Variants in CSMD1 observed in about 807,000 individuals in gnomAD.
The protein encoded by CSMD1 is CUB and sushi domain-containing protein 1.
A neutral mutation model predicts 417.5 loss-of-function variants in CSMD1; 213 were observed. That is an observed-to-expected ratio of 0.51 (90% CI 0.46 to 0.57). The LOEUF (loss-of-function observed/expected upper bound fraction) is 0.57. Ranked by LOEUF, CSMD1 falls within the 20% of genes least tolerant of loss-of-function variation. The pLI, the probability that CSMD1 is intolerant of heterozygous loss-of-function variation, is 0.00. For missense variants in CSMD1, 6,923 were observed against 4,529.7 expected (o/e 1.53, Z -15.17); for synonymous variants, 2,862 against 1,736.8 (o/e 1.65, Z -16.11).
intron 5 of CSMD1, among the ~76,000 whole-genome samples, chr8:3,809,463 G>T (rs990904727): frequency 6.6e-6 from 1 of 152,158 alleles, no homozygotes; most frequent in Non-Finnish European, 1.5e-5. Context: ...GGTTCCTGGG[G>T]ATAGTTCATA....
In CSMD1 at chr8:3,444,670, G is replaced by T. The variant is rs535566437; in HGVS notation, c.1561+24042C>A. The stretch of plus-strand genomic sequence containing the variant: ...CAAACAAAAGTATGCAGTGGAAATG[G>T]TGATAGGCCTGAGGCTGAGGAGGCT... On this transcript the variant is annotated intron_variant, in intron 12 of 69. Coordinates refer to ENST00000635120, the MANE Select transcript of CSMD1 (RefSeq NM_033225.6). Among the ~76,000 whole-genome samples the T allele has an allele frequency of 3.9e-5, 6 of 152,246 alleles. No individual in the cohort carries two copies. In the South Asian group the frequency reaches 1.2e-3, roughly 32 times the overall value.
intron 11 of CSMD1, among the ~76,000 whole-genome samples, chr8:3,481,999 G>A (rs994016394): frequency 3.3e-5 from 5 of 152,204 alleles, no homozygotes; most frequent in East Asian, 1.9e-4. Flanking sequence ...TATGTTTATT[G>A]TAATGCCCAG....
chr8:4,563,013 A>T (rs1798418101), intron 2 of CSMD1, among the ~76,000 whole-genome samples: 1 of 152,162 alleles, frequency 6.6e-6, no homozygotes, highest in South Asian at 2.1e-4. Flanking sequence ...CACCATGAAA[A>T]TTCCGGTGTT....
chr8:3,799,227 T>C (rs1800326478), intron 5 of CSMD1, among the ~76,000 whole-genome samples: 1 of 151,864 alleles, frequency 6.6e-6, no homozygotes, highest in Admixed American at 6.6e-5. Flanking sequence ...CAACTGATTC[T>C]ACAGTTTTTT....
At chr8:4,552,378 ACT>A in intron 2 of CSMD1, among the ~76,000 whole-genome samples, 1 of 151,900 alleles carries the variant, frequency 6.6e-6, no homozygotes, top group African/African-American at 2.4e-5. Flanking sequence ...GGAAGAGCCT[ACT>A]CAAATCCCGA....
chr8:3,249,283 G>A (rs560678750), intron 26 of CSMD1, among the ~76,000 whole-genome samples: 20 of 151,898 alleles, frequency 1.3e-4, no homozygotes, highest in Non-Finnish European at 1.8e-4. Context: ...GTGCAGCGGC[G>A]TGATCTCAGT....
intron 3 of CSMD1, among the ~76,000 whole-genome samples, chr8:4,355,375 C>G (rs1040255861): frequency 4.0e-5 from 6 of 151,776 alleles, no homozygotes; most frequent in African/African-American, 1.2e-4. Flanking sequence ...CAAAACTCTA[C>G]AAAAATGACG....
At chr8:4,070,798 C>G (rs1376257807) in intron 3 of CSMD1, among the ~76,000 whole-genome samples, 3 of 152,182 alleles carry the variant, frequency 2.0e-5, no homozygotes, top group African/African-American at 7.2e-5. Context: ...TCATAGCTTC[C>G]TCTGATTTTC....
intron 5 of CSMD1, among the ~76,000 whole-genome samples, chr8:3,963,763 T>C (rs929070917): frequency 1.3e-5 from 2 of 152,204 alleles, no homozygotes; most frequent in African/African-American, 4.8e-5. Context: ...CACAATAGTA[T>C]AGTATATGTA....
chr8:4,317,109 C>T (rs113890210), intron 3 of CSMD1, among the ~76,000 whole-genome samples: 2 of 152,288 alleles, frequency 1.3e-5, no homozygotes, highest in African/African-American at 4.8e-5. Flanking sequence ...AGGTTTCCAA[C>T]TGGCCAAGCA....
At chr8:3,966,351 C>A (rs969910757) in intron 5 of CSMD1, among the ~76,000 whole-genome samples, 3 of 152,050 alleles carry the variant, frequency 2.0e-5, no homozygotes, top group African/African-American at 7.2e-5. Context: ...CATTCACTCT[C>A]CCAAATTTAT....
At chr8:3,851,687 A>G (rs1803917640) in intron 5 of CSMD1, among the ~76,000 whole-genome samples, 1 of 152,194 alleles carries the variant, frequency 6.6e-6, no homozygotes, top group Non-Finnish European at 1.5e-5. Context: ...TGAATAGCAG[A>G]AGAAAAGAGA....
At chr8:4,450,807 G>GCA (rs1799096696) in intron 2 of CSMD1, among the ~76,000 whole-genome samples, 1 of 152,094 alleles carries the variant, frequency 6.6e-6, no homozygotes, top group African/African-American at 2.4e-5. Flanking sequence ...TCATTTACGA[G>GCA]AGGCATAAAC....
chr8:4,291,166 T>C (rs1797336795), intron 3 of CSMD1, among the ~76,000 whole-genome samples: 1 of 152,272 alleles, frequency 6.6e-6, no homozygotes, highest in East Asian at 1.9e-4. Flanking sequence ...ATCTATATTC[T>C]CTTTAGTGTT....
rs1392392009 is a variant in CSMD1, at chr8:3,218,946, T to C, written c.4672+309A>G. ...TCTTGAAGAAACAAATTATAAGGTG[T>C]TAAAACCCGTCTTAAAATAATTATT... On this transcript the variant is annotated intron_variant, in intron 29 of 69. Coordinates refer to ENST00000635120, the MANE Select transcript of CSMD1 (RefSeq NM_033225.6). Among the ~76,000 whole-genome samples the C allele has an allele frequency of 2.0e-5, 3 of 152,204 alleles. No individual in the cohort carries two copies. The South Asian group carries it at 6.2e-4, about 31-fold the overall frequency.
intron 11 of CSMD1, among the ~76,000 whole-genome samples, chr8:3,469,648 G>T (rs1816972979): frequency 6.6e-6 from 1 of 152,134 alleles, no homozygotes; most frequent in Non-Finnish European, 1.5e-5. Flanking sequence ...AATCAAATAG[G>T]AAGCTTGACT....
chr8:4,216,456 G>T (rs558232625), intron 3 of CSMD1, among the ~76,000 whole-genome samples: 3 of 152,174 alleles, frequency 2.0e-5, no homozygotes, highest in Non-Finnish European at 4.4e-5. Context: ...AGTAAAGCTT[G>T]TTAAATTAGT....
At chr8:4,470,343 C>T (rs369944392) in intron 2 of CSMD1, among the ~76,000 whole-genome samples, 1 of 152,162 alleles carries the variant, frequency 6.6e-6, no homozygotes, top group Non-Finnish European at 1.5e-5. Flanking sequence ...CACTTGACTA[C>T]GATGGTTCAA....
intron 25 of CSMD1, among the ~76,000 whole-genome samples, chr8:3,302,949 C>T (rs1366128042): frequency 2.0e-5 from 3 of 152,178 alleles, no homozygotes; most frequent in African/African-American, 7.2e-5. Flanking sequence ...GGTAAGGTCA[C>T]CCATGACCAG....
Sources: gnomAD v4.1 joint callset for allele counts (sites outside exome capture counted in the v4.1 genomes callset) on GRCh38, gnomAD v4.1.1 for gene constraint, MANE v1.5 for transcripts, NCBI Gene and HGNC (gene_info 2026-07-23, HGNC 2026-07-21) for gene names.